The following ATE1 variants were observed in gnomAD, a reference collection of about 807,000 sequenced individuals.
ATE1 encodes the protein arginyl-tRNA--protein transferase 1.
In ATE1, 36 loss-of-function variants were observed where a neutral mutation model predicts 70.5. That is an observed-to-expected ratio of 0.51 (90% CI 0.39 to 0.67). The LOEUF is 0.67. Ranked by LOEUF, ATE1 falls within the 30% of genes least tolerant of loss-of-function variation. ATE1 has a pLI of 0.00. For synonymous variants in ATE1, 232 were observed against 219.3 expected, an observed-to-expected ratio of 1.06 and a Z score of -0.51; for missense variants, 593 against 629.5, an observed-to-expected ratio of 0.94 and a Z score of 0.62.
At chr10:121,846,541 G>A (rs1948829622) in intron 8 of ATE1, 1 of 152,116 alleles carries the variant, frequency 6.6e-6, no homozygotes, top group East Asian at 1.9e-4. Context: ...ATTTACTAAG[G>A]TGCTAGCAGT....
At chr10:121,900,782 A>T (rs1224670310) in intron 6 of ATE1, among the ~76,000 whole-genome samples, 2 of 152,224 alleles carry the variant, frequency 1.3e-5, no homozygotes, top group African/African-American at 2.4e-5. Flanking sequence ...GTATCATTAC[A>T]TTCAAAAAGT....
chr10:121,886,073 T>C (rs1189616072), intron 7 of ATE1, among the ~76,000 whole-genome samples: 1 of 152,126 alleles, frequency 6.6e-6, no homozygotes, highest in Non-Finnish European at 1.5e-5. Flanking sequence ...TTGATTGTCA[T>C]GTTGGCACTC....
intron 10 of ATE1, among the ~76,000 whole-genome samples, chr10:121,814,205 G>A (rs1192678649): frequency 1.3e-5 from 2 of 152,198 alleles, no homozygotes; most frequent in Non-Finnish European, 2.9e-5. Context: ...GTCAAAGAAA[G>A]AGGAGAAATG....
chr10:121,912,833 C>T (rs888396820), intron 4 of ATE1, among the ~76,000 whole-genome samples: 1 of 151,318 alleles, frequency 6.6e-6, no homozygotes, highest in Non-Finnish European at 1.5e-5. Context: ...CAGCCTTGAC[C>T]TCCCTGATTC....
intron 11 of ATE1, among the ~76,000 whole-genome samples, chr10:121,785,446 G>A (rs1053712581): frequency 3.3e-5 from 5 of 152,100 alleles, no homozygotes; most frequent in African/African-American, 9.7e-5. Context: ...GTGAATGAAC[G>A]CAGGACAGCA....
intron 10 of ATE1, among the ~76,000 whole-genome samples, chr10:121,830,486 T>A (rs1237161559): frequency 6.6e-6 from 1 of 152,176 alleles, no homozygotes; most frequent in Non-Finnish European, 1.5e-5. Flanking sequence ...TGCCATGCCC[T>A]TGGACTTTCC....
chr10:121,753,485 T>C (rs746575598), intron 11 of ATE1, among the ~76,000 whole-genome samples: 2 of 152,210 alleles, frequency 1.3e-5, no homozygotes, highest in Admixed American at 6.5e-5. Flanking sequence ...CAGGTTAATT[T>C]TGATATTATG....
chr10:121,914,509 GA>G (rs570223694), intron 3 of ATE1, among the ~76,000 whole-genome samples: 111 of 142,334 alleles, frequency 7.8e-4, no homozygotes, highest in Admixed American at 1.3e-3. Flanking sequence ...GCCAACAGTG[GA>G]AAAAAAAAAA....
chr10:121,876,357 T>G (rs1950048161), intron 7 of ATE1, among the ~76,000 whole-genome samples: 1 of 152,250 alleles, frequency 6.6e-6, no homozygotes, highest in African/African-American at 2.4e-5. Context: ...ATCTTTTTAC[T>G]ATTTTTTGCA....
At position 121,927,545 on chromosome 10, in the gene ATE1, G is replaced by A. The variant is rs952849925; in HGVS notation, c.106+299C>T. 6.1e-6 allele frequency: 6 copies of A among 984,870 alleles called. No homozygotes were observed. In the African/African-American group the frequency reaches 1.0e-4, roughly 17 times the overall value. The allele number at this position is 984,870 out of a possible 1,614,324, so 61.0% of individuals were successfully genotyped here. A position where few individuals can be genotyped will look rare whatever the true frequency, so the allele number is the denominator to read the frequency against. Reference sequence around the variant, plus strand: ...TAACTACGGCTCTGGGGCGTTCCCTGGCACTGCGCGCCGTCCTTCACCTCA... The same window carrying A: ...TAACTACGGCTCTGGGGCGTTCCCTAGCACTGCGCGCCGTCCTTCACCTCA... On this transcript the variant is annotated intron_variant, in intron 1 of 11. Transcript: ENST00000224652.
Position 121,837,413 on chromosome 10 carries a change from C to T in ATE1, c.1158-596G>A, listed in dbSNP as rs563496878. Among the ~76,000 whole-genome samples, 149 of 152,316 alleles carry T rather than the reference C, an allele frequency of 9.8e-4. 1 individual carries two copies. Among genetic ancestry groups the T allele is most frequent in the Non-Finnish European group, 1.6e-3 (107 of 68,028 alleles). ...CTCAAACGTAAGAAGTTGTCAGTCT[C>T]TCCACTATAACGCCTATGCATGAAT... On this transcript the variant is annotated intron_variant, in intron 9 of 11. Transcript: ENST00000224652.
intron 10 of ATE1, among the ~76,000 whole-genome samples, chr10:121,792,089 T>A (rs1564841801): frequency 1.3e-5 from 2 of 149,360 alleles, no homozygotes; most frequent in African/African-American, 2.5e-5. Context: ...TTTGAGTGGC[T>A]GGGAGAGGGT....
At chr10:121,844,848 T>C (rs950765833) in intron 8 of ATE1, among the ~76,000 whole-genome samples, 1 of 152,012 alleles carries the variant, frequency 6.6e-6, no homozygotes, top group Admixed American at 6.6e-5. Flanking sequence ...ACGATTCCAA[T>C]TATAGGCATG....
chr10:121,809,169 C>T lies in ATE1; in HGVS notation c.1258-18880G>A, dbSNP rs140295131. 7.8e-3 allele frequency among the ~76,000 whole-genome samples: 1,193 copies of T among 152,322 alleles called. 5 individuals are homozygous for T. The highest frequency in any genetic ancestry group is 0.013 in the Non-Finnish European group (851 of 68,014). On this transcript the variant is annotated intron_variant, in intron 10 of 11. Coordinates refer to ENST00000224652, the MANE Select transcript of ATE1 (RefSeq NM_001001976.3). ...AAGTTTTCCAAAACTGTCATTTTTA[C>T]TTGACAGCTTGAATTTTATCACTGG... is the stretch of plus-strand genomic sequence containing the variant.
At chr10:121,922,678 T>G (rs1406903046) in intron 2 of ATE1, among the ~76,000 whole-genome samples, 1 of 152,174 alleles carries the variant, frequency 6.6e-6, no homozygotes, top group Non-Finnish European at 1.5e-5. Context: ...CCACCCCTGC[T>G]CTGCCTTCAC....
rs189886394 is a variant in ATE1, at chr10:121,873,251, T to A, written c.943-3213A>T. ...ATTCTGTCAAGTCTTGAATTTTTTT[T>A]AAAAAACTGAAGAATTATGGTCTAT... On this transcript the variant is annotated intron_variant, in intron 7 of 11. Transcript: ENST00000224652. Among the ~76,000 whole-genome samples, 1,387 of 152,252 alleles carry A rather than the reference T, an allele frequency of 9.1e-3. 30 individuals are homozygous for A. Among genetic ancestry groups the A allele is most frequent in the African/African-American group, 0.03 (1,250 of 41,566 alleles).
At chr10:121,769,175 T>TGTA (rs1823417663) in intron 11 of ATE1, among the ~76,000 whole-genome samples, 1 of 152,180 alleles carries the variant, frequency 6.6e-6, no homozygotes, top group Admixed American at 6.5e-5. Flanking sequence ...ATCAAGACTG[T>TGTA]GTAGTATTGG....
At chr10:121,760,113 C>T (rs141965016) in intron 11 of ATE1, among the ~76,000 whole-genome samples, 56 of 152,326 alleles carry the variant, frequency 3.7e-4, no homozygotes, top group Admixed American at 1.3e-3. Flanking sequence ...TGATTCCTTA[C>T]CAAATACTGC....
chr10:121,821,577 T>C (rs11200177), intron 10 of ATE1, among the ~76,000 whole-genome samples: 43,978 of 152,054 alleles, frequency 0.29, 7,078 homozygotes, highest in South Asian at 0.44. Context: ...AACTACAAAA[T>C]GCAAATTAAA....
Sources: gnomAD v4.1 joint callset for allele counts (sites outside exome capture counted in the v4.1 genomes callset) on GRCh38, gnomAD v4.1.1 for gene constraint, MANE v1.5 for transcripts, NCBI Gene and HGNC (gene_info 2026-07-23, HGNC 2026-07-21) for gene names.